The following RFC1 variants were observed in gnomAD, a reference collection of about 807,000 sequenced individuals.
RFC1 encodes the protein replication factor C subunit 1, also known as A1 140 kDa subunit.
In RFC1, 37 loss-of-function variants were observed where a neutral mutation model predicts 137.4. That is an observed-to-expected ratio of 0.27 (90% CI 0.21 to 0.35). The LOEUF (loss-of-function observed/expected upper bound fraction) is 0.35, where lower values mean the gene tolerates loss of function less well. Among genes scored for constraint, RFC1 ranks in the 10% least tolerant of loss-of-function variants. The pLI, the probability that RFC1 is intolerant of heterozygous loss-of-function variation, is 1.00. For synonymous variants in RFC1, 429 were observed against 455.7 expected, an observed-to-expected ratio of 0.94 and a Z score of 0.75; for missense variants, 1,205 against 1,358.5, an observed-to-expected ratio of 0.89 and a Z score of 1.78.
intron 21 of RFC1, among the ~76,000 whole-genome samples, chr4:39,299,295 C>T (rs1738209680): frequency 6.6e-6 from 1 of 152,052 alleles, no homozygotes; most frequent in Non-Finnish European, 1.5e-5. Flanking sequence ...AATCTCTGTT[C>T]GAGGCTCTCA....
chr4:39,348,591 A>C lies in RFC1; in HGVS notation c.132+2757T>G, dbSNP rs538133881. On this transcript the variant is annotated intron_variant, in intron 2 of 24. Coordinates refer to ENST00000349703, the MANE Select transcript of RFC1 (RefSeq NM_002913.5). The stretch of plus-strand genomic sequence containing the variant: ...TGTCAGTTTGAATTGAAGAGGATGG[A>C]GAAAGGACAAAATGAAAGAAGGCTG... Among the ~76,000 whole-genome samples the C allele has an allele frequency of 7.2e-5, 11 of 151,944 alleles. No individual in the cohort carries two copies. In the South Asian group the frequency reaches 2.3e-3, roughly 32 times the overall value.
At chr4:39,290,161 T>C in intron 23 of RFC1, 122 bp from the exon 24 acceptor site, 1 of 627,036 alleles carries the variant, frequency 1.6e-6, no homozygotes, top group Non-Finnish European at 2.8e-6. Flanking sequence ...TTTATGTATA[T>C]ACATGTAAAT....
Position 39,302,336 on chromosome 4 carries a change from G to A in RFC1, c.2477C>T (p.Ala826Val), listed in dbSNP as rs1273637156. ...NLSMWCARSK[A>V]LTYDQAKADS... ...AGCTTTGGCCTGGTCATAGGTTAAT[G>A]CTTTACTTCGTGCACACCACATACT... The change falls in exon 19 of 25, where the codon GCA becomes GTA. Residue 826 changes from alanine (A) to valine (V), a missense_variant. Physicochemically the swap from Ala to Val is moderately conservative, Grantham distance 64. Around this residue, in one of 3 missense-constraint regions of RFC1, gnomAD observed 962 missense variants for 1,035.3 expected, o/e 0.93. Coordinates refer to ENST00000349703, the MANE Select transcript of RFC1 (RefSeq NM_002913.5). 6.2e-7 allele frequency: 1 copy of A among 1,613,230 alleles called. No individual in the cohort carries two copies. Among genetic ancestry groups the A allele is most frequent in the South Asian group, 1.1e-5 (1 of 91,060 alleles).
intron 13 of RFC1, among the ~76,000 whole-genome samples, chr4:39,308,372 A>C (rs986654652): frequency 3.9e-5 from 6 of 152,120 alleles, no homozygotes; most frequent in African/African-American, 1.4e-4. Flanking sequence ...AGCACCCTGG[A>C]CTTACCCCTC....
In RFC1 at chr4:39,288,861, A is replaced by G. The variant is rs1314573067; in HGVS notation, c.3361-17T>C. ...TGTCTTTTTCTGTTAGGGGGAAGAT[A>G]ACAAAATAGTTAATAGCTGTGTTTA... On this transcript the variant is annotated splice_polypyrimidine_tract_variant and intron_variant, in intron 24 of 24. Coordinates refer to ENST00000349703, the MANE Select transcript of RFC1 (RefSeq NM_002913.5). 6.7e-7 allele frequency: 1 copy of G among 1,496,372 alleles called. No individual in the cohort carries two copies. Among genetic ancestry groups the G allele is most frequent in the Admixed American group, 1.7e-5 (1 of 58,522 alleles). The allele number at this position is 1,496,372 out of a possible 1,614,324, so 92.7% of individuals were successfully genotyped here.
intron 8 of RFC1, 60 bp downstream of exon 8, chr4:39,321,227 A>G (rs756387107): frequency 8.2e-5 from 102 of 1,249,038 alleles, no homozygotes; most frequent in Non-Finnish European, 1.1e-4. Flanking sequence ...AAACAAGATT[A>G]TCATGAATTT....
In RFC1 at chr4:39,295,609, C is replaced by A. The variant is rs765345348; in HGVS notation, c.2954+5G>T. The A allele has an allele frequency of 6.3e-7, 1 of 1,593,814 alleles. No individual in the cohort carries two copies. The highest frequency in any genetic ancestry group is 1.3e-5 in the African/African-American group (1 of 74,428). On this transcript the variant is annotated splice_donor_5th_base_variant and intron_variant, in intron 22 of 24. Coordinates refer to ENST00000349703, the MANE Select transcript of RFC1 (RefSeq NM_002913.5). ...AAATACCCGAAACAGAGTAATCCCA[C>A]CTACCTGAGACTCATATGCAAGGCC...
chr4:39,320,408 G>A lies in RFC1; in HGVS notation c.1070C>T (p.Thr357Ile), dbSNP rs55734630. The A allele has an allele frequency of 4.5e-6, 7 of 1,541,270 alleles. No homozygotes were observed. The highest frequency in any genetic ancestry group is 6.1e-6 in the Non-Finnish European group (7 of 1,152,852). Reference protein sequence around the residue: ...LKGETKTPKKTKSSPAKKESV... With the variant: ...LKGETKTPKKIKSSPAKKESV... ...CTCTTTTTTAGCTGGAGAACTTTTG[G>A]TTTTCTTAGGAGTTTTTGTCTCTCC... is the stretch of plus-strand genomic sequence containing the variant. Residue 357 changes from threonine (T) to isoleucine (I), a missense_variant, in exon 9 of 25, where the codon ACC (threonine) becomes ATC (isoleucine). Around this residue, in one of 3 missense-constraint regions of RFC1, gnomAD observed 962 missense variants for 1,035.3 expected, o/e 0.93. Coordinates refer to ENST00000349703, the MANE Select transcript of RFC1 (RefSeq NM_002913.5).
Position 39,345,440 on chromosome 4 carries a change from T to G in RFC1, c.169A>C (p.Lys57Gln). 1.2e-6 allele frequency: 2 copies of G among 1,614,008 alleles called. No homozygotes were observed. Among genetic ancestry groups the G allele is most frequent in the Non-Finnish European group, 1.7e-6 (2 of 1,179,932 alleles). The change falls in exon 3 of 25, where the codon AAG becomes CAG. Residue 57 changes from lysine to glutamine, a missense_variant. Lys to Gln is a moderately conservative substitution (Grantham distance 53, BLOSUM62 1). Transcript: ENST00000349703. ...ATCCTCTTTTTCTTGCTTGGTTGCT[T>G]TTGTTTGAAGTCATCCTCTTTACGG... Reference protein sequence around the residue: ...SSRKEDDFKQKQPSKKKRIIY... With the variant: ...SSRKEDDFKQQQPSKKKRIIY...
intron 9 of RFC1, among the ~76,000 whole-genome samples, chr4:39,319,634 C>G (rs2109664176): frequency 6.6e-6 from 1 of 152,182 alleles, no homozygotes; most frequent in South Asian, 2.1e-4. Context: ...AACTTGAAAA[C>G]AAACCCAGAC....
At chr4:39,353,981 T>C (rs1741338844) in intron 1 of RFC1, among the ~76,000 whole-genome samples, 1 of 152,222 alleles carries the variant, frequency 6.6e-6, no homozygotes, top group Non-Finnish European at 1.5e-5. Context: ...CTGATCTGTC[T>C]GGTTTTTGTC....
chr4:39,304,712 A>T (rs1333222788), intron 15 of RFC1, 102 bp downstream of exon 15: 2 of 755,366 alleles, frequency 2.6e-6, no homozygotes, highest in Non-Finnish European at 4.8e-6. Flanking sequence ...AGAATTTAGT[A>T]GGGTGCTTGG....
At chr4:39,359,828 A>C (rs575057222) in intron 1 of RFC1, among the ~76,000 whole-genome samples, 9 of 151,866 alleles carry the variant, frequency 5.9e-5, no homozygotes, top group Non-Finnish European at 1.3e-4. Flanking sequence ...TCTCAAAAAA[A>C]AAAAAAAAAG....
At chr4:39,312,688 C>T in intron 11 of RFC1, 64 bp downstream of exon 11, 1 of 1,385,126 alleles carries the variant, frequency 7.2e-7, no homozygotes, top group East Asian at 2.4e-5. Flanking sequence ...AAGGGCAAAT[C>T]ACATCAAGAG....
rs377090257 is a variant in RFC1, at chr4:39,300,398, G to A, written c.2552C>T (p.Ala851Val). 1.2e-6 allele frequency: 2 copies of A among 1,613,896 alleles called. No individual in the cohort carries two copies. The highest frequency in any genetic ancestry group is 1.7e-6 in the Non-Finnish European group (2 of 1,179,888). Residue 851 changes from alanine to valine, a missense_variant, in exon 20 of 25, where the codon GCC becomes GTC. Coordinates refer to ENST00000349703, the MANE Select transcript of RFC1 (RefSeq NM_002913.5). ...KDIKMGPFDVARKVFAAGEET... is the reference protein window; with the variant it reads ...KDIKMGPFDVVRKVFAAGEET... ...CTCTCCAGCTGCAAACACTTTCCGG[G>A]CAACATCAAATGGGCCCTGAAAAAA...
At chr4:39,320,264 G>T in intron 9 of RFC1, 119 bp downstream of exon 9, 1 of 857,982 alleles carries the variant, frequency 1.2e-6, no homozygotes, top group Non-Finnish European at 1.7e-6. Context: ...CAGGTGAGTT[G>T]CTTGAACCTG....
In RFC1 at chr4:39,311,382, A is replaced by T. The variant is rs1219723849; in HGVS notation, c.1488+63T>A. On this transcript the variant is annotated intron_variant, in intron 12 of 24. Transcript: ENST00000349703. ...CAACAAGCCTGTATCCACCCAAGAC[A>T]TATGTCTATGAAATTAAAAAGTTAA... 4 of 1,357,244 alleles carry T rather than the reference A, an allele frequency of 2.9e-6. No homozygotes were observed. In the Admixed American group the frequency reaches 6.9e-5, roughly 23 times the overall value. 84.1% of individuals were successfully genotyped at this position (1,357,244 alleles called of 1,614,324 possible). A position where few individuals can be genotyped will look rare whatever the true frequency, so the allele number is the denominator to read the frequency against.
intron 4 of RFC1, among the ~76,000 whole-genome samples, chr4:39,336,394 A>G (rs1240545799): frequency 1.3e-5 from 2 of 152,232 alleles, no homozygotes; most frequent in African/African-American, 4.8e-5. Context: ...ACTGGTCAGG[A>G]GCAGCATATG....
At chr4:39,362,230 T>G (rs1741796504) in intron 1 of RFC1, among the ~76,000 whole-genome samples, 1 of 152,194 alleles carries the variant, frequency 6.6e-6, no homozygotes, top group African/African-American at 2.4e-5. Context: ...AAGATGGCAA[T>G]ATTCCCTAAA....
Sources: gnomAD v4.1 joint callset for allele counts (sites outside exome capture counted in the v4.1 genomes callset) on GRCh38, gnomAD v4.1.1 for gene constraint, gnomAD v4.1.1 regional missense constraint, MANE v1.5 for transcripts, NCBI Gene and HGNC (gene_info 2026-07-23, HGNC 2026-07-21) for gene names.